The following BMPR1B variants were observed in gnomAD, a reference collection of about 807,000 sequenced individuals.
The protein encoded by BMPR1B is bone morphogenetic protein receptor type 1B.
In BMPR1B, 12 loss-of-function variants were observed where a neutral mutation model predicts 59.1. The ratio of observed to expected loss-of-function variants is 0.20; its 90% confidence interval spans 0.13 to 0.33. The LOEUF is 0.33. Among genes scored for constraint, BMPR1B ranks in the 10% least tolerant of loss-of-function variants. BMPR1B has a pLI of 1.00. For missense variants in BMPR1B, 550 were observed against 610.9 expected, an observed-to-expected ratio of 0.90 and a Z score of 1.05; for synonymous variants, 237 against 207.3, an observed-to-expected ratio of 1.14 and a Z score of -1.23.
chr4:94,834,843 A>G (rs1439769005), intron 1 of BMPR1B, among the ~76,000 whole-genome samples: 1 of 152,062 alleles, frequency 6.6e-6, no homozygotes, highest in Non-Finnish European at 1.5e-5. Context: ...CAATAAATAA[A>G]TATATTTAAT....
At chr4:94,862,648 A>G (rs1248495364) in intron 1 of BMPR1B, among the ~76,000 whole-genome samples, 3 of 151,574 alleles carry the variant, frequency 2.0e-5, no homozygotes, top group Non-Finnish European at 2.9e-5. Flanking sequence ...CAATAAAAAT[A>G]TAAGAAAATT....
intron 4 of BMPR1B, among the ~76,000 whole-genome samples, chr4:95,108,084 T>G (rs980799797): frequency 1.3e-5 from 2 of 152,086 alleles, no homozygotes; most frequent in Admixed American, 6.6e-5. Context: ...ATAAAAAAAT[T>G]CTTAGAAAAA....
At chr4:95,061,987 C>T (rs1396364624) in intron 3 of BMPR1B, among the ~76,000 whole-genome samples, 1 of 152,090 alleles carries the variant, frequency 6.6e-6, no homozygotes, top group Non-Finnish European at 1.5e-5. Flanking sequence ...CACTCACTGT[C>T]TCTCCTGCCG....
intron 1 of BMPR1B, among the ~76,000 whole-genome samples, chr4:94,845,504 G>A (rs1242857988): frequency 2.0e-5 from 3 of 152,002 alleles, no homozygotes; most frequent in African/African-American, 4.8e-5. Context: ...CACCACGCCC[G>A]GCTAATTTTT....
chr4:94,830,587 G>T (rs1011942490), intron 1 of BMPR1B, among the ~76,000 whole-genome samples: 14 of 152,076 alleles, frequency 9.2e-5, no homozygotes, highest in African/African-American at 3.4e-4. Flanking sequence ...CTTACTTCTA[G>T]ATACTACCAT....
chr4:94,881,718 G>A (rs1328227049), intron 2 of BMPR1B, among the ~76,000 whole-genome samples: 1 of 152,240 alleles, frequency 6.6e-6, no homozygotes, highest in Non-Finnish European at 1.5e-5. Context: ...TCCCGCCTTG[G>A]TCTCTCAAAG....
chr4:94,894,315 C>G (rs1218664203), intron 2 of BMPR1B, among the ~76,000 whole-genome samples: 1 of 152,006 alleles, frequency 6.6e-6, no homozygotes, highest in African/African-American at 2.4e-5. Flanking sequence ...TCACATAGAT[C>G]AACTGTTCTT....
At chr4:94,833,370 A>G (rs1443099659) in intron 1 of BMPR1B, among the ~76,000 whole-genome samples, 1 of 152,200 alleles carries the variant, frequency 6.6e-6, no homozygotes, top group African/African-American at 2.4e-5. Context: ...CATTATTCTT[A>G]GGGTAAAGAC....
At chr4:94,886,356 G>C (rs1017101854) in intron 2 of BMPR1B, among the ~76,000 whole-genome samples, 1 of 152,050 alleles carries the variant, frequency 6.6e-6, no homozygotes, top group African/African-American at 2.4e-5. Context: ...AATTATAAGG[G>C]GAAGTTAACA....
chr4:94,915,576 T>A (rs1728452792), intron 2 of BMPR1B, among the ~76,000 whole-genome samples: 1 of 152,216 alleles, frequency 6.6e-6, no homozygotes, highest in Non-Finnish European at 1.5e-5. Context: ...ACTTCCTCTT[T>A]AAAAATGTTT....
intron 1 of BMPR1B, among the ~76,000 whole-genome samples, chr4:94,865,696 T>C (rs1013272201): frequency 6.6e-6 from 1 of 152,196 alleles, no homozygotes; most frequent in Non-Finnish European, 1.5e-5. Flanking sequence ...CAGCTGCTGT[T>C]TTCTACTTTA....
chr4:94,810,785 G>A (rs1723780963), intron 1 of BMPR1B, among the ~76,000 whole-genome samples: 1 of 152,078 alleles, frequency 6.6e-6, no homozygotes, highest in Non-Finnish European at 1.5e-5. Context: ...TTCACCCTTT[G>A]GTGTTGAGTG....
chr4:94,826,677 C>T (rs1224734981), intron 1 of BMPR1B, among the ~76,000 whole-genome samples: 1 of 145,680 alleles, frequency 6.9e-6, no homozygotes, highest in Non-Finnish European at 1.5e-5. Flanking sequence ...TGGAAACATG[C>T]ATAATTGCTA....
chr4:94,875,329 G>C (rs1032011379), intron 1 of BMPR1B, among the ~76,000 whole-genome samples: 1 of 152,146 alleles, frequency 6.6e-6, no homozygotes, highest in Non-Finnish European at 1.5e-5. Flanking sequence ...TTAACAGTTT[G>C]AACTGGTTCA....
intron 2 of BMPR1B, among the ~76,000 whole-genome samples, chr4:94,942,566 A>T (rs1444370853): frequency 6.6e-6 from 1 of 152,216 alleles, no homozygotes; most frequent in Non-Finnish European, 1.5e-5. Flanking sequence ...CCATGCTGAT[A>T]AGGAGGGTTT....
chr4:95,152,806 G>A, intron 12 of BMPR1B, 33 bp downstream of exon 12: 2 of 1,607,286 alleles, frequency 1.2e-6, no homozygotes, highest in Non-Finnish European at 1.7e-6. Flanking sequence ...GGCTGTGACA[G>A]ACTTCTAAAT....
rs377093451 is a variant in BMPR1B, at chr4:94,965,307, C to G, written c.-112-30733C>G. Among the ~76,000 whole-genome samples the G allele has an allele frequency of 1.6e-4, 24 of 152,158 alleles. No homozygotes were observed. In the East Asian group the frequency reaches 3.1e-3, roughly 20 times the overall value. ...GCTTTATCTGCTTACCTACAGAGTT[C>G]TCATCTCATATTTCTTGTGTATATC... On this transcript the variant is annotated intron_variant, in intron 2 of 12. Transcript: ENST00000515059.
intron 2 of BMPR1B, among the ~76,000 whole-genome samples, chr4:94,963,499 C>T (rs1730447325): frequency 6.6e-6 from 1 of 152,038 alleles, no homozygotes; most frequent in Non-Finnish European, 1.5e-5. Flanking sequence ...GTTTTTAATC[C>T]ACTTTTATTT....
intron 1 of BMPR1B, among the ~76,000 whole-genome samples, chr4:94,866,549 G>A (rs1726251579): frequency 6.6e-6 from 1 of 152,068 alleles, no homozygotes; most frequent in African/African-American, 2.4e-5. Flanking sequence ...AAGGCTGTCT[G>A]TGTTCCTTAC....
Sources: allele counts gnomAD v4.1 joint callset (sites outside exome capture counted in the v4.1 genomes callset), GRCh38; gene constraint gnomAD v4.1.1; transcripts MANE v1.5; gene names NCBI Gene and HGNC (gene_info 2026-07-23, HGNC 2026-07-21).